Variants in L3MBTL4 observed in about 807,000 individuals in gnomAD.
L3MBTL4 encodes lethal(3)malignant brain tumor-like protein 4.
Under a neutral mutation model 84.5 loss-of-function variants are expected in L3MBTL4, and 70 were observed. The ratio of observed to expected loss-of-function variants is 0.83; its 90% confidence interval spans 0.68 to 1.01. The LOEUF is 1.01. L3MBTL4 is among the 50% of genes least tolerant of loss of function. The probability of loss-of-function intolerance (pLI) is 0.00; values close to 1 mark genes in which losing one functional copy is unlikely to be tolerated. For synonymous variants in L3MBTL4, 274 were observed against 259.8 expected, an observed-to-expected ratio of 1.05 and a Z score of -0.52; for missense variants, 715 against 754.8, an observed-to-expected ratio of 0.95 and a Z score of 0.62.
chr18:6,265,321 T>A (rs989112438), intron 4 of L3MBTL4, among the ~76,000 whole-genome samples: 2 of 152,208 alleles, frequency 1.3e-5, no homozygotes, highest in Non-Finnish European at 2.9e-5. Flanking sequence ...CATTTTTGAA[T>A]AACAAAAGCT....
intron 5 of L3MBTL4, among the ~76,000 whole-genome samples, chr18:6,261,202 A>G (rs1359095621): frequency 6.6e-6 from 1 of 152,194 alleles, no homozygotes; most frequent in Admixed American, 6.5e-5. Context: ...AGATCCTAAG[A>G]CACCATGTCA....
rs1462692207 is a variant in L3MBTL4 at position 6,237,961 on chromosome 18, C to T, written c.784+3G>A. On this transcript the variant is annotated splice_donor_region_variant and intron_variant, in intron 10 of 18. Transcript: ENST00000317931. ...TCAAAGAAAACCCAGGCAGTCCACT[C>T]ACCTTGGGGTGCTATCAGAGTTCTT... The T allele has an allele frequency of 6.2e-7, 1 of 1,613,598 alleles. No homozygotes were observed. Among genetic ancestry groups the T allele is most frequent in the African/African-American group, 1.3e-5 (1 of 75,052 alleles).
chr18:6,167,096 G>C (rs1489782035), intron 13 of L3MBTL4, among the ~76,000 whole-genome samples: 1 of 152,072 alleles, frequency 6.6e-6, no homozygotes, highest in Non-Finnish European at 1.5e-5. Flanking sequence ...ATAAATTCCT[G>C]TACACATACA....
intron 1 of L3MBTL4, among the ~76,000 whole-genome samples, chr18:6,357,440 G>A (rs2053496001): frequency 6.6e-6 from 1 of 152,024 alleles, no homozygotes; most frequent in African/African-American, 2.4e-5. Context: ...TTTAATTTTG[G>A]TATCTTTTCT....
intron 14 of L3MBTL4, among the ~76,000 whole-genome samples, chr18:6,114,048 G>A (rs2059280077): frequency 6.6e-6 from 1 of 152,162 alleles, no homozygotes; most frequent in African/African-American, 2.4e-5. Flanking sequence ...GTAGGCATTG[G>A]AGATACTGTG....
At chr18:6,001,242 G>A (rs1271625379) in intron 16 of L3MBTL4, among the ~76,000 whole-genome samples, 4 of 152,238 alleles carry the variant, frequency 2.6e-5, no homozygotes, top group Admixed American at 6.5e-5. Flanking sequence ...TCCAGGGTAT[G>A]TGAAGATAAT....
intron 12 of L3MBTL4, among the ~76,000 whole-genome samples, chr18:6,188,549 C>T (rs2044898784): frequency 6.6e-6 from 1 of 152,162 alleles, no homozygotes; most frequent in South Asian, 2.1e-4. Flanking sequence ...AAGGAGGGCC[C>T]TTTCCTAAGT....
chr18:6,202,417 G>A (rs34932506), intron 12 of L3MBTL4, among the ~76,000 whole-genome samples: 8,019 of 152,116 alleles, frequency 0.053, 701 homozygotes, highest in African/African-American at 0.18. Flanking sequence ...ATGTATGCAA[G>A]GGAGTCATGT....
At chr18:6,295,346 C>CTCTATATATATATA (rs1261475809) in intron 4 of L3MBTL4, among the ~76,000 whole-genome samples, 5 of 81,388 alleles carry the variant, frequency 6.1e-5, no homozygotes, top group African/African-American at 2.6e-4. Flanking sequence ...CTCTCTCTCT[C>CTCTATATATATATA]TATATATATA....
chr18:6,385,663 T>C (rs1334289330), intron 1 of L3MBTL4, among the ~76,000 whole-genome samples: 2 of 152,198 alleles, frequency 1.3e-5, no homozygotes, highest in Non-Finnish European at 2.9e-5. Context: ...TTATTCCACA[T>C]ATTAAGCCTT....
intron 10 of L3MBTL4, among the ~76,000 whole-genome samples, chr18:6,229,556 C>T (rs1291688124): frequency 3.3e-5 from 5 of 152,050 alleles, no homozygotes; most frequent in Non-Finnish European, 7.4e-5. Flanking sequence ...TTGCCAAATC[C>T]AATGTCATGA....
At chr18:6,050,141 A>T (rs577688707) in intron 16 of L3MBTL4, among the ~76,000 whole-genome samples, 14 of 152,222 alleles carry the variant, frequency 9.2e-5, no homozygotes, top group East Asian at 3.9e-4. Flanking sequence ...AACTTTTTTT[A>T]AAAAAATTAT....
chr18:6,197,136 A>T (rs1272214405), intron 12 of L3MBTL4, among the ~76,000 whole-genome samples: 19 of 152,212 alleles, frequency 1.2e-4, no homozygotes, highest in Admixed American at 1.2e-3. Flanking sequence ...TCTGGGGTAG[A>T]TGTGCAGGAT....
At chr18:6,293,527 A>G (rs950688425) in intron 4 of L3MBTL4, among the ~76,000 whole-genome samples, 1 of 152,176 alleles carries the variant, frequency 6.6e-6, no homozygotes, top group South Asian at 2.1e-4. Flanking sequence ...TTAAGAAATA[A>G]ATAAAAAGAA....
At chr18:6,191,525 C>G (rs2045088281) in intron 12 of L3MBTL4, among the ~76,000 whole-genome samples, 1 of 152,146 alleles carries the variant, frequency 6.6e-6, no homozygotes, top group African/African-American at 2.4e-5. Flanking sequence ...ATTGAGATAT[C>G]TATTCGACAT....
rs183852386 is a variant in L3MBTL4, at chr18:6,307,351, C to T, written c.72+4203G>A. ...ACTCGGGAGGCTGAGGCAAGAGAAT[C>T]GCTTGAACCTGGGAGACGGAGATTG... is the stretch of plus-strand genomic sequence containing the variant. On this transcript the variant is annotated intron_variant, in intron 3 of 18. Transcript: ENST00000317931. Among the ~76,000 whole-genome samples the T allele has an allele frequency of 2.6e-3, 398 of 150,802 alleles. 1 individual carries two copies. The highest frequency in any genetic ancestry group is 4.5e-3 in the Non-Finnish European group (302 of 67,830).
In L3MBTL4 at chr18:5,990,807, T is replaced by C. The variant is rs557566854; in HGVS notation, c.1445-21245A>G. Among the ~76,000 whole-genome samples the C allele has an allele frequency of 1.1e-4, 15 of 139,092 alleles. No individual in the cohort carries two copies. In the East Asian group the frequency reaches 2.9e-3, roughly 27 times the overall value. The allele number at this position is 139,092 out of a possible 152,430, so 91.2% of individuals were successfully genotyped here. A position where few individuals can be genotyped will look rare whatever the true frequency, so the allele number is the denominator to read the frequency against. ...TGTGTGTGTGTGTGTGTGTGTGTGA[T>C]GGGCTACTCTTCAGTCCCAGTACTC... is the stretch of plus-strand genomic sequence containing the variant. On this transcript the variant is annotated intron_variant, in intron 16 of 18. Coordinates refer to ENST00000317931, the MANE Select transcript of L3MBTL4 (RefSeq NM_001330559.2).
intron 16 of L3MBTL4, among the ~76,000 whole-genome samples, chr18:5,989,404 T>C (rs534958129): frequency 1.4e-5 from 2 of 141,834 alleles, no homozygotes; most frequent in South Asian, 2.2e-4. Flanking sequence ...AGTTTTATTT[T>C]TTAAACCATA....
intron 10 of L3MBTL4, 89 bp from the exon 11 acceptor site, chr18:6,215,924 A>G (rs2046307951): frequency 1.5e-6 from 1 of 656,760 alleles, no homozygotes; most frequent in African/African-American, 1.8e-5. Flanking sequence ...TATGACACCT[A>G]ATGTTAATTG....
Sources: allele counts gnomAD v4.1 joint callset (sites outside exome capture counted in the v4.1 genomes callset), GRCh38; gene constraint gnomAD v4.1.1; transcripts MANE v1.5; gene names NCBI Gene and HGNC (gene_info 2026-07-23, HGNC 2026-07-21).